The following FSTL4 variants were observed in gnomAD, a reference collection of about 807,000 sequenced individuals.
FSTL4 encodes the protein follistatin like 4.
In FSTL4, 28 loss-of-function variants were observed where a neutral mutation model predicts 78.2. That is an observed-to-expected ratio of 0.36 (90% CI 0.27 to 0.49). The LOEUF is 0.49. Among genes scored for constraint, FSTL4 ranks in the 20% least tolerant of loss-of-function variants. The pLI is 0.98. For missense variants in FSTL4, 922 were observed against 1,084.9 expected, an observed-to-expected ratio of 0.85 and a Z score of 2.11; for synonymous variants, 422 against 440.5, an observed-to-expected ratio of 0.96 and a Z score of 0.53.
chr5:133,578,910 CA>C (rs1245690305), intron 2 of FSTL4, among the ~76,000 whole-genome samples: 1 of 152,198 alleles, frequency 6.6e-6, no homozygotes, highest in African/African-American at 2.4e-5. Context: ...GACAACCCAA[CA>C]AATTAAAAAC....
the FSTL4 span, among the ~76,000 whole-genome samples, chr5:133,643,481 A>G: frequency 6.6e-6 from 1 of 152,046 alleles, no homozygotes; most frequent in East Asian, 1.9e-4. Context: ...TCCTCCTCCA[A>G]ACTTCCTTCA....
chr5:133,562,836 G>A (rs895028912), intron 3 of FSTL4, among the ~76,000 whole-genome samples: 47 of 152,274 alleles, frequency 3.1e-4, no homozygotes, highest in Middle Eastern at 6.8e-3. Flanking sequence ...TCAAGTGTTC[G>A]CTCATGGCTG....
At chr5:133,281,395 C>G (rs1753007161) in intron 6 of FSTL4, among the ~76,000 whole-genome samples, 1 of 152,108 alleles carries the variant, frequency 6.6e-6, no homozygotes, top group Non-Finnish European at 1.5e-5. Context: ...CCCTGAGCAC[C>G]CTGCCTCGCA....
intron 6 of FSTL4, among the ~76,000 whole-genome samples, chr5:133,278,495 A>G (rs974830999): frequency 9.2e-5 from 14 of 152,194 alleles, no homozygotes; most frequent in Non-Finnish European, 2.1e-4. Flanking sequence ...GGCTGATACC[A>G]GCGTATGCTT....
At chr5:133,535,541 A>G (rs994263197) in intron 3 of FSTL4, among the ~76,000 whole-genome samples, 1 of 152,226 alleles carries the variant, frequency 6.6e-6, no homozygotes, top group Non-Finnish European at 1.5e-5. Context: ...TTTAACATCT[A>G]TAGAAACCAT....
At chr5:133,417,535 C>G (rs1756600056) in intron 3 of FSTL4, among the ~76,000 whole-genome samples, 1 of 152,060 alleles carries the variant, frequency 6.6e-6, no homozygotes, top group Non-Finnish European at 1.5e-5. Context: ...AAGGAATCCT[C>G]AAGCAAAATA....
the FSTL4 span, among the ~76,000 whole-genome samples, chr5:133,730,483 C>T: frequency 1.1e-4 from 16 of 152,154 alleles, no homozygotes; most frequent in East Asian, 3.9e-4. Flanking sequence ...CACAGCTGCA[C>T]GATGATGGGA....
At chr5:133,297,668 A>G (rs747007969) in intron 6 of FSTL4, among the ~76,000 whole-genome samples, 21 of 152,354 alleles carry the variant, frequency 1.4e-4, no homozygotes, top group Non-Finnish European at 4.4e-5. Flanking sequence ...TGCCTCCTTC[A>G]TGAGAATCCT....
At chr5:133,454,628 G>A (rs150766896) in intron 3 of FSTL4, among the ~76,000 whole-genome samples, 3 of 152,210 alleles carry the variant, frequency 2.0e-5, no homozygotes. Context: ...TCACACGTTA[G>A]CTGGGAACAT....
At chr5:133,536,246 A>G (rs966905185) in intron 3 of FSTL4, among the ~76,000 whole-genome samples, 2 of 152,232 alleles carry the variant, frequency 1.3e-5, no homozygotes, top group African/African-American at 4.8e-5. Context: ...CTAGTCAGAA[A>G]TAAACCTCAA....
At chr5:133,488,845 ACCCCTCCCAC>A (rs1459046712) in intron 3 of FSTL4, among the ~76,000 whole-genome samples, 1 of 151,846 alleles carries the variant, frequency 6.6e-6, no homozygotes, top group East Asian at 1.9e-4. Flanking sequence ...GATGCCCCTC[ACCCCTCCCAC>A]TGCCTCTAGA....
chr5:133,214,059 T>A (rs1390387798), intron 13 of FSTL4, among the ~76,000 whole-genome samples: 1 of 152,164 alleles, frequency 6.6e-6, no homozygotes, highest in East Asian at 1.9e-4. Context: ...AAAGCAAAAA[T>A]GAGTAGAACT....
the FSTL4 span, among the ~76,000 whole-genome samples, chr5:133,833,681 T>G: frequency 2.0e-5 from 3 of 152,182 alleles, no homozygotes; most frequent in African/African-American, 7.2e-5. Context: ...ATTCCAGACA[T>G]CACATTTTAA....
At chr5:133,741,664 A>G in the FSTL4 span, among the ~76,000 whole-genome samples, 3 of 152,208 alleles carry the variant, frequency 2.0e-5, no homozygotes. Flanking sequence ...TCTCTGCCCA[A>G]GTGGGAAACA....
intron 4 of FSTL4, among the ~76,000 whole-genome samples, chr5:133,336,661 C>T (rs1754471348): frequency 6.6e-6 from 1 of 152,214 alleles, no homozygotes; most frequent in African/African-American, 2.4e-5. Flanking sequence ...TTCTTCAACA[C>T]ATCCTCCTGC....
At chr5:133,603,192 A>G (rs1246474721) in intron 2 of FSTL4, among the ~76,000 whole-genome samples, 1 of 152,176 alleles carries the variant, frequency 6.6e-6, no homozygotes, top group Non-Finnish European at 1.5e-5. Flanking sequence ...CCCCAAATTC[A>G]TGGGACCTAC....
the FSTL4 span, among the ~76,000 whole-genome samples, chr5:133,702,984 C>G: frequency 1.3e-5 from 2 of 152,220 alleles, no homozygotes; most frequent in African/African-American, 4.8e-5. Context: ...GCTGCCCCAC[C>G]GTGATCTGTC....
chr5:133,357,079 C>T (rs1754958493), intron 4 of FSTL4, among the ~76,000 whole-genome samples: 1 of 152,226 alleles, frequency 6.6e-6, no homozygotes, highest in African/African-American at 2.4e-5. Flanking sequence ...CTGCAAAGCC[C>T]TGGACAGACC....
rs138875760 is a variant in FSTL4 at position 133,281,617 on chromosome 5, T to C, written c.727+31037A>G. ...GGGCTGAATAGCTGGAACCAGAGAA[T>C]AAAAGTGGAAGGCTGTGATGGACAA... On this transcript the variant is annotated intron_variant, in intron 6 of 15. Coordinates refer to ENST00000265342, the MANE Select transcript of FSTL4 (RefSeq NM_015082.2). Among the ~76,000 whole-genome samples, 35 of 152,020 alleles carry C rather than the reference T, an allele frequency of 2.3e-4. No individual in the cohort carries two copies. The East Asian group carries it at 6.8e-3, about 29-fold the overall frequency.
Sources: allele counts gnomAD v4.1 joint callset (sites outside exome capture counted in the v4.1 genomes callset), GRCh38; gene constraint gnomAD v4.1.1; transcripts MANE v1.5; gene names NCBI Gene and HGNC (gene_info 2026-07-23, HGNC 2026-07-21).